SHOC2: variants seen among roughly 807,000 people sequenced by gnomAD.
The protein encoded by SHOC2 is leucine-rich repeat protein SHOC-2.
A neutral mutation model predicts 50.2 loss-of-function variants in SHOC2; 4 were observed. The ratio of observed to expected loss-of-function variants is 0.08; its 90% CI spans 0.04 to 0.18. SHOC2 has a LOEUF of 0.18. Among genes scored for constraint, SHOC2 ranks in the 10% least tolerant of loss-of-function variants. The pLI, the probability that SHOC2 is intolerant of heterozygous loss-of-function variation, is 1.00. For missense variants in SHOC2, 388 were observed against 669.6 expected, an observed-to-expected ratio of 0.58 and a Z score of 4.64; for synonymous variants, 218 against 244.5, an observed-to-expected ratio of 0.89 and a Z score of 1.01.
At chr10:110,952,263 G>T (rs762549036) in intron 1 of SHOC2, among the ~76,000 whole-genome samples, 3 of 152,028 alleles carry the variant, frequency 2.0e-5, no homozygotes, top group Non-Finnish European at 2.9e-5. Context: ...CAGAGTTCCC[G>T]TATATTCCCT....
chr10:110,926,489 G>C (rs1248028893), intron 1 of SHOC2, among the ~76,000 whole-genome samples: 1 of 152,068 alleles, frequency 6.6e-6, no homozygotes, highest in African/African-American at 2.4e-5. Context: ...TTAAAAGTTT[G>C]GTAACCAAAT....
At chr10:110,956,800 C>T (rs1030911655) in intron 1 of SHOC2, among the ~76,000 whole-genome samples, 3 of 151,532 alleles carry the variant, frequency 2.0e-5, no homozygotes, top group Admixed American at 6.6e-5. Flanking sequence ...TGATTGGGCC[C>T]TAGGAAAAAT....
chr10:110,949,494 A>G (rs531208328), intron 1 of SHOC2, among the ~76,000 whole-genome samples: 2 of 152,294 alleles, frequency 1.3e-5, no homozygotes, highest in East Asian at 3.9e-4. Context: ...CCACTGGTGA[A>G]TTCCAACAAA....
At chr10:110,987,905 A>T (rs1590821655) in intron 3 of SHOC2, among the ~76,000 whole-genome samples, 1 of 152,290 alleles carries the variant, frequency 6.6e-6, no homozygotes, top group South Asian at 2.1e-4. Flanking sequence ...GATCTCTAGG[A>T]TAAATTAAAA....
At chr10:110,961,477 A>T (rs1242817147) in intron 1 of SHOC2, among the ~76,000 whole-genome samples, 1 of 152,118 alleles carries the variant, frequency 6.6e-6, no homozygotes. Context: ...GATGTGAAAA[A>T]TTTTTAGTTA....
intron 1 of SHOC2, among the ~76,000 whole-genome samples, chr10:110,935,016 A>C (rs993687796): frequency 5.9e-5 from 9 of 152,222 alleles, no homozygotes; most frequent in African/African-American, 2.2e-4. Context: ...TTTTATACAT[A>C]TATGTATACT....
chr10:110,971,432 A>G (rs1847780231), intron 2 of SHOC2, among the ~76,000 whole-genome samples: 1 of 152,086 alleles, frequency 6.6e-6, no homozygotes. Flanking sequence ...TTATGCCAGT[A>G]CTGTGCATTT....
At chr10:111,006,622 G>A (rs1009157625) in intron 5 of SHOC2, among the ~76,000 whole-genome samples, 2 of 152,008 alleles carry the variant, frequency 1.3e-5, no homozygotes, top group African/African-American at 2.4e-5. Flanking sequence ...CGCCCGCCTC[G>A]GCCTCCCAAA....
Position 111,007,554 on chromosome 10 carries a change from C to A in SHOC2, c.1185C>A (p.Pro395=). The change falls in exon 6 of 9, where the codon CCC becomes CCA. Residue 395 remains proline (P), a synonymous_variant. Coordinates refer to ENST00000369452, the MANE Select transcript of SHOC2 (RefSeq NM_007373.4). ...NMKDNQLTSL[P]LDFGTWTSMV... ...AGGACAATCAGTTAACATCACTTCC[C>A]TTGGATTTTGGAACTTGGACCAGTA... The A allele has an allele frequency of 6.2e-7, 1 of 1,613,662 alleles. No individual in the cohort carries two copies. Among genetic ancestry groups the A allele is most frequent in the South Asian group, 1.1e-5 (1 of 91,056 alleles).
chr10:110,922,425 TTAA>T (rs1846672324), intron 1 of SHOC2, among the ~76,000 whole-genome samples: 1 of 145,172 alleles, frequency 6.9e-6, no homozygotes. Flanking sequence ...GTTGTATCAT[TTAA>T]TATTTCTGGA....
chr10:111,009,435 C>G, intron 7 of SHOC2, 50 bp downstream of exon 7: 1 of 1,426,876 alleles, frequency 7.0e-7, no homozygotes, highest in Non-Finnish European at 9.9e-7. Flanking sequence ...GGAATCTGTT[C>G]CAAATTCCAC....
Position 110,964,650 on chromosome 10 carries a change from C to G in SHOC2, c.292C>G (p.Arg98Gly). ...AEVIKELNKCREENSMRLDLS... is the reference protein window; with the variant it reads ...AEVIKELNKCGEENSMRLDLS... ...GGTGATTAAAGAGCTCAACAAATGC[C>G]GGGAAGAGAATTCAATGCGTTTGGA... Residue 98 changes from arginine to glycine, a missense_variant, in exon 2 of 9, where the codon CGG (arginine) becomes GGG (glycine). Arg to Gly is a moderately radical substitution (Grantham distance 125). Coordinates refer to ENST00000369452, the MANE Select transcript of SHOC2 (RefSeq NM_007373.4). This position sits in a 1 kb window ranked among gnomAD's most constrained non-coding sequence, Gnocchi z 4.9. 1 of 1,613,988 alleles carries G rather than the reference C, an allele frequency of 6.2e-7. No individual in the cohort carries two copies. Among genetic ancestry groups the G allele is most frequent in the Non-Finnish European group, 8.5e-7 (1 of 1,179,958 alleles).
Position 110,964,260 on chromosome 10 carries a change from A to C in SHOC2, c.-99A>C, listed in dbSNP as rs1054997592. On this transcript the variant is annotated 5_prime_UTR_variant, in exon 2 of 9. Coordinates refer to ENST00000369452, the MANE Select transcript of SHOC2 (RefSeq NM_007373.4). This position sits in a 1 kb window ranked among gnomAD's most constrained non-coding sequence, Gnocchi z 4.9. ...ATGCTGATTACTTCTTCAAGCCAGT[A>C]CTTTTTTGATTGTGTAGGATCTTTG... The C allele has an allele frequency of 6.5e-7, 1 of 1,527,856 alleles. No homozygotes were observed. Among genetic ancestry groups the C allele is most frequent in the African/African-American group, 1.4e-5 (1 of 71,334 alleles). 94.6% of individuals were successfully genotyped at this position (1,527,856 alleles called of 1,614,324 possible).
intron 2 of SHOC2, among the ~76,000 whole-genome samples, chr10:110,967,647 A>C (rs1052839878): frequency 6.6e-6 from 1 of 152,184 alleles, no homozygotes; most frequent in Non-Finnish European, 1.5e-5. Flanking sequence ...CATTAACCCT[A>C]GGCAAACACT....
At chr10:110,939,034 T>G (rs1420846842) in intron 1 of SHOC2, among the ~76,000 whole-genome samples, 1 of 152,200 alleles carries the variant, frequency 6.6e-6, no homozygotes, top group Non-Finnish European at 1.5e-5. Context: ...AAAATTGATC[T>G]TCTTTGGAAC....
At chr10:110,956,851 C>A (rs1208251501) in intron 1 of SHOC2, among the ~76,000 whole-genome samples, 1 of 151,432 alleles carries the variant, frequency 6.6e-6, no homozygotes, top group Non-Finnish European at 1.5e-5. Flanking sequence ...GTTTAATGTT[C>A]CTTTTAATAT....
At chr10:110,961,690 A>G (rs1205665687) in intron 1 of SHOC2, among the ~76,000 whole-genome samples, 1 of 152,176 alleles carries the variant, frequency 6.6e-6, no homozygotes, top group Admixed American at 6.5e-5. Flanking sequence ...CAGTAAACCC[A>G]TCAGACAGTT....
Position 111,012,433 on chromosome 10 carries a change from G to GA in SHOC2, c.*625dup, listed in dbSNP as rs886046733. The GA allele has an allele frequency of 3.6e-4, 53 of 147,466 alleles. No individual in the cohort carries two copies. The highest frequency in any genetic ancestry group is 5.2e-4 in the African/African-American group (21 of 40,396). 9.1% of individuals were successfully genotyped at this position (147,466 alleles called of 1,614,324 possible). On this transcript the variant is annotated 3_prime_UTR_variant, in exon 9 of 9. Transcript: ENST00000369452. ...AAACAGTGAAAGGTATTTGCTTGTT[G>GA]AAAAAAAAAACTGGCAAAGTGAAAA...
At chr10:110,946,166 G>A (rs1164997915) in intron 1 of SHOC2, among the ~76,000 whole-genome samples, 2 of 151,928 alleles carry the variant, frequency 1.3e-5, no homozygotes, top group African/African-American at 2.4e-5. Context: ...TCTTATTATT[G>A]TAGTGGTAAC....
Sources: gnomAD v4.1 joint callset for allele counts (sites outside exome capture counted in the v4.1 genomes callset) on GRCh38, gnomAD v4.1.1 for gene constraint, Gnocchi (gnomAD v3.1) non-coding constraint, MANE v1.5 for transcripts, NCBI Gene and HGNC (gene_info 2026-07-23, HGNC 2026-07-21) for gene names.